PDZRN4: variants seen among roughly 807,000 people sequenced by gnomAD.
The protein encoded by PDZRN4 is PDZ domain containing ring finger 4, also known as PDZ domain-containing RING finger protein 4.
Under a neutral mutation model 99.0 loss-of-function variants are expected in PDZRN4, and 70 were observed. The ratio of observed to expected loss-of-function variants is 0.71; its 90% CI spans 0.58 to 0.86. The LOEUF is 0.86. Among genes scored for constraint, PDZRN4 ranks in the 40% least tolerant of loss-of-function variants. PDZRN4 has a pLI of 0.00. For synonymous variants in PDZRN4, 551 were observed against 501.6 expected (o/e 1.10, Z -1.32); for missense variants, 1,474 against 1,331.2 (o/e 1.11, Z -1.67).
intron 3 of PDZRN4, among the ~76,000 whole-genome samples, chr12:41,505,848 A>G (rs192181414): frequency 6.6e-6 from 1 of 152,236 alleles, no homozygotes; most frequent in East Asian, 1.9e-4. Context: ...GAGTATGCCA[A>G]TTCTGATTCA....
intron 3 of PDZRN4, among the ~76,000 whole-genome samples, chr12:41,260,434 G>A (rs576197940): frequency 3.0e-4 from 46 of 152,034 alleles, no homozygotes; most frequent in Non-Finnish European, 5.6e-4. Flanking sequence ...ATTTTATTTC[G>A]AAACTAAAAT....
At chr12:41,426,645 A>G (rs756751685) in intron 3 of PDZRN4, among the ~76,000 whole-genome samples, 3 of 152,144 alleles carry the variant, frequency 2.0e-5, no homozygotes, top group Non-Finnish European at 4.4e-5. Context: ...ATCTTAATAG[A>G]ATTTTTTTGA....
intron 3 of PDZRN4, among the ~76,000 whole-genome samples, chr12:41,342,784 T>C (rs1382795722): frequency 6.6e-6 from 1 of 151,912 alleles, no homozygotes; most frequent in Non-Finnish European, 1.5e-5. Flanking sequence ...GCAGCCACTA[T>C]GAAAAAGAGA....
chr12:41,232,839 AT>A (rs200306011), intron 3 of PDZRN4, among the ~76,000 whole-genome samples: 7,986 of 152,168 alleles, frequency 0.052, 235 homozygotes, highest in Non-Finnish European at 0.061. Flanking sequence ...TCTTGAATTA[AT>A]TTTCGTATAA....
At chr12:41,376,198 G>A (rs140179599) in intron 3 of PDZRN4, among the ~76,000 whole-genome samples, 6 of 152,204 alleles carry the variant, frequency 3.9e-5, no homozygotes, top group African/African-American at 1.2e-4. Context: ...GGGAGTGCTG[G>A]TATCTTTTCA....
intron 3 of PDZRN4, among the ~76,000 whole-genome samples, chr12:41,260,881 C>T (rs1951233921): frequency 6.6e-6 from 1 of 152,146 alleles, no homozygotes; most frequent in African/African-American, 2.4e-5. Flanking sequence ...TAACGAGCTT[C>T]TAACCCCGTG....
intron 3 of PDZRN4, among the ~76,000 whole-genome samples, chr12:41,294,216 G>T (rs923288176): frequency 1.3e-5 from 2 of 152,154 alleles, no homozygotes; most frequent in African/African-American, 4.8e-5. Flanking sequence ...AACTTTCAAA[G>T]TCAGGCAGAC....
chr12:41,484,681 G>A (rs777976290), intron 3 of PDZRN4, among the ~76,000 whole-genome samples: 4 of 152,134 alleles, frequency 2.6e-5, no homozygotes, highest in Non-Finnish European at 5.9e-5. Flanking sequence ...GGAGTCCAAA[G>A]ACCAGATAGA....
intron 5 of PDZRN4, among the ~76,000 whole-genome samples, chr12:41,530,769 T>C (rs564710809): frequency 2.0e-5 from 3 of 152,362 alleles, no homozygotes; most frequent in East Asian, 1.9e-4. Flanking sequence ...ATCGGACTTA[T>C]GATTTCCCTG....
intron 5 of PDZRN4, among the ~76,000 whole-genome samples, chr12:41,513,455 T>TA (rs1938343509): frequency 6.6e-6 from 1 of 152,054 alleles, no homozygotes; most frequent in Admixed American, 6.6e-5. Context: ...TTGTTCTCTT[T>TA]AAAAAATGAT....
chr12:41,211,227 G>A (rs765897329), intron 3 of PDZRN4, among the ~76,000 whole-genome samples: 2 of 151,930 alleles, frequency 1.3e-5, no homozygotes, highest in East Asian at 1.9e-4. Context: ...CCCTGAGGGG[G>A]AAAACAATCA....
chr12:41,427,758 C>A (rs921468693), intron 3 of PDZRN4, among the ~76,000 whole-genome samples: 1 of 152,064 alleles, frequency 6.6e-6, no homozygotes, highest in Non-Finnish European at 1.5e-5. Flanking sequence ...ATGCAAGGAA[C>A]ACAACAGAGA....
intron 3 of PDZRN4, chr12:41,411,462 G>C (rs560946499): frequency 3.9e-5 from 6 of 152,174 alleles, no homozygotes; most frequent in Non-Finnish European, 8.8e-5. Flanking sequence ...GCACCTGTGA[G>C]TGAGAACTGT....
intron 3 of PDZRN4, chr12:41,437,712 A>G (rs1952642703): frequency 7.0e-7 from 1 of 1,422,468 alleles, no homozygotes; most frequent in Non-Finnish European, 9.2e-7. Context: ...AACTGACTGG[A>G]AACTCTGTGT....
chr12:41,493,083 C>T (rs1042521147), intron 3 of PDZRN4, among the ~76,000 whole-genome samples: 2 of 152,120 alleles, frequency 1.3e-5, no homozygotes, highest in Non-Finnish European at 2.9e-5. Context: ...ATATTTTCAG[C>T]CCGATGATTC....
intron 3 of PDZRN4, among the ~76,000 whole-genome samples, chr12:41,426,411 A>G (rs1444121484): frequency 6.6e-6 from 1 of 152,230 alleles, no homozygotes; most frequent in East Asian, 1.9e-4. Flanking sequence ...GACTGATTCA[A>G]GACCACCTCT....
chr12:41,528,460 G>C (rs766182769), intron 5 of PDZRN4, among the ~76,000 whole-genome samples: 1 of 152,144 alleles, frequency 6.6e-6, no homozygotes, highest in Non-Finnish European at 1.5e-5. Context: ...GTAAAACCTA[G>C]AAAGGAAAGA....
At chr12:41,526,635 G>A (rs1938572149) in intron 5 of PDZRN4, among the ~76,000 whole-genome samples, 1 of 152,050 alleles carries the variant, frequency 6.6e-6, no homozygotes, top group African/African-American at 2.4e-5. Context: ...GTTTTTCACT[G>A]CTTTTTAAGT....
chr12:41,397,708 G>A (rs1387544119), intron 3 of PDZRN4, among the ~76,000 whole-genome samples: 1 of 152,094 alleles, frequency 6.6e-6, no homozygotes, highest in Admixed American at 6.6e-5. Flanking sequence ...TACAAATCAA[G>A]AACAACTCTA....
Sources: gnomAD v4.1 joint callset for allele counts (sites outside exome capture counted in the v4.1 genomes callset) on GRCh38, gnomAD v4.1.1 for gene constraint, MANE v1.5 for transcripts, NCBI Gene and HGNC (gene_info 2026-07-23, HGNC 2026-07-21) for gene names.